Variants in USP34 observed in about 807,000 individuals in gnomAD.
USP34 encodes the protein ubiquitin specific peptidase 34.
Under a neutral mutation model 460.3 loss-of-function variants are expected in USP34, and 70 were observed. That is an observed-to-expected ratio of 0.15 (90% CI 0.13 to 0.19). The LOEUF (loss-of-function observed/expected upper bound fraction) is 0.19. Ranked by LOEUF, USP34 falls within the 10% of genes least tolerant of loss-of-function variation. USP34 has a pLI of 1.00. For missense variants in USP34, 3,985 were observed against 4,236.2 expected (o/e 0.94, Z 1.65); for synonymous variants, 1,647 against 1,405.3 (o/e 1.17, Z -3.85).
At chr2:61,363,060 T>G (rs1002975935) in intron 10 of USP34, among the ~76,000 whole-genome samples, 1 of 152,136 alleles carries the variant, frequency 6.6e-6, no homozygotes, top group African/African-American at 2.4e-5. Flanking sequence ...TGAACAGACA[T>G]TTCTCCGAAG....
rs557633495 is a variant in USP34 at position 61,364,791 on chromosome 2, G to A, written c.1251+5530C>T. ...TAAAAATACAAAAATTAGACAATGT[G>A]GTGGTGCGCACGTCTGTAATCCCAG... On this transcript the variant is annotated intron_variant, in intron 10 of 79. Transcript: ENST00000398571. 2.0e-5 allele frequency among the ~76,000 whole-genome samples: 3 copies of A among 151,962 alleles called. No individual in the cohort carries two copies. In the South Asian group the frequency reaches 6.2e-4, roughly 32 times the overall value.
chr2:61,223,507 T>C, intron 62 of USP34: 1 of 541,080 alleles, frequency 1.8e-6, no homozygotes. Flanking sequence ...CAAATGTACT[T>C]CATTTTCATT....
At chr2:61,230,843 T>TC (rs1553354044) in intron 58 of USP34, among the ~76,000 whole-genome samples, 2 of 70,390 alleles carry the variant, frequency 2.8e-5, no homozygotes, top group East Asian at 2.9e-4. Context: ...AAACTCCGTC[T>TC]CAAAAAAAAA....
intron 14 of USP34, 108 bp from the exon 15 acceptor site, chr2:61,348,588 C>A: frequency 6.9e-7 from 1 of 1,451,768 alleles, no homozygotes. Flanking sequence ...TCTTGTTATA[C>A]TCCTTTGAAC....
intron 30 of USP34, 127 bp downstream of exon 30, chr2:61,296,673 C>G: frequency 2.1e-6 from 2 of 941,466 alleles, no homozygotes; most frequent in Non-Finnish European, 3.0e-6. Context: ...CACTTTTTAC[C>G]TACTATATGG....
intron 1 of USP34, among the ~76,000 whole-genome samples, chr2:61,457,803 A>G (rs757349641): frequency 1.3e-5 from 2 of 152,166 alleles, no homozygotes; most frequent in Non-Finnish European, 2.9e-5. Context: ...AGCTAGGATC[A>G]TATCACTGTA....
intron 53 of USP34, among the ~76,000 whole-genome samples, chr2:61,241,037 T>A (rs1401989080): frequency 6.6e-6 from 1 of 151,880 alleles, no homozygotes; most frequent in African/African-American, 2.4e-5. Flanking sequence ...TCCCTCAACC[T>A]TTCTGCCACC....
intron 2 of USP34, among the ~76,000 whole-genome samples, chr2:61,409,049 G>A (rs762435306): frequency 1.3e-5 from 2 of 150,950 alleles, no homozygotes; most frequent in East Asian, 2.0e-4. Flanking sequence ...GCAAAACCTC[G>A]TCTCTATTAA....
chr2:61,284,072 A>C (rs367720306), intron 35 of USP34, among the ~76,000 whole-genome samples: 31 of 152,320 alleles, frequency 2.0e-4, no homozygotes, highest in South Asian at 6.2e-4. Flanking sequence ...AAACAAACCA[A>C]ATAAAAGAAT....
At chr2:61,193,182 A>G (rs1426449574) in intron 75 of USP34, 41 of 463,552 alleles carry the variant, frequency 8.8e-5, no homozygotes, top group Middle Eastern at 1.2e-3. Flanking sequence ...TTTATATCCT[A>G]TACCTCATTC....
chr2:61,298,537 CAAAAAAAAAAA>C (rs57087400), intron 29 of USP34, among the ~76,000 whole-genome samples: 6 of 28,286 alleles, frequency 2.1e-4, no homozygotes, highest in Non-Finnish European at 2.2e-4. Flanking sequence ...GACTCTGTCT[CAAAAAAAAAAA>C]AAAAAAAAAA....
intron 7 of USP34, 85 bp from the exon 8 acceptor site, chr2:61,378,509 T>A (rs917446906): frequency 2.5e-6 from 2 of 805,808 alleles, no homozygotes; most frequent in Non-Finnish European, 4.0e-6. Flanking sequence ...GGTAAACTGA[T>A]TGACATATGT....
rs1054720630 is a variant in USP34 at position 61,283,633 on chromosome 2, A to G, written c.4833-184T>C. Reference sequence around the variant, plus strand: ...TGAGTGTGTGTGTGTTTTAAAAGACAGGAGACAGGGTCTCACTCTGTTGCC... The same window carrying G: ...TGAGTGTGTGTGTGTTTTAAAAGACGGGAGACAGGGTCTCACTCTGTTGCC... On this transcript the variant is annotated intron_variant, in intron 35 of 79. Coordinates refer to ENST00000398571, the MANE Select transcript of USP34 (RefSeq NM_014709.4). Among the ~76,000 whole-genome samples, 6 of 152,062 alleles carry G rather than the reference A, an allele frequency of 3.9e-5. No individual in the cohort carries two copies. In the East Asian group the frequency reaches 7.7e-4, roughly 20 times the overall value.
chr2:61,237,878 C>G (rs1180311295), intron 53 of USP34, among the ~76,000 whole-genome samples: 2 of 151,578 alleles, frequency 1.3e-5, no homozygotes, highest in South Asian at 2.1e-4. Flanking sequence ...CCCTGCCCAG[C>G]CACCCTAGCT....
intron 5 of USP34, 73 bp downstream of exon 5, chr2:61,394,780 G>C (rs1693465891): frequency 8.3e-7 from 1 of 1,211,386 alleles, no homozygotes; most frequent in African/African-American, 1.6e-5. Flanking sequence ...TTCCTTTTCA[G>C]AGCATAAAAT....
chr2:61,285,756 CAATAT>C (rs1213220060), intron 34 of USP34, among the ~76,000 whole-genome samples: 1 of 151,902 alleles, frequency 6.6e-6, no homozygotes, highest in Non-Finnish European at 1.5e-5. Flanking sequence ...AATTAAAAAG[CAATAT>C]AATATACCAC....
intron 70 of USP34, 187 bp from the exon 71 acceptor site, chr2:61,207,073 C>CA (rs1202321644): frequency 3.6e-6 from 2 of 551,672 alleles, no homozygotes; most frequent in Non-Finnish European, 6.2e-6. Context: ...AAACATTCCT[C>CA]ACCTTCAGAG....
chr2:61,252,876 G>A (rs2103886328), intron 48 of USP34, among the ~76,000 whole-genome samples: 1 of 152,272 alleles, frequency 6.6e-6, no homozygotes, highest in African/African-American at 2.4e-5. Context: ...GCACAGCAAA[G>A]CATTCTAAAC....
chr2:61,381,701 A>G (rs1235454371), intron 6 of USP34, among the ~76,000 whole-genome samples: 1 of 152,154 alleles, frequency 6.6e-6, no homozygotes, highest in Non-Finnish European at 1.5e-5. Context: ...CAACCCATAC[A>G]GAGCTCTATC....
Sources: allele counts gnomAD v4.1 joint callset (sites outside exome capture counted in the v4.1 genomes callset), GRCh38; gene constraint gnomAD v4.1.1; transcripts MANE v1.5; gene names NCBI Gene and HGNC (gene_info 2026-07-23, HGNC 2026-07-21).